The following PPARGC1A variants were observed in gnomAD, a reference collection of about 807,000 sequenced individuals.
PPARGC1A encodes PPARG coactivator 1 alpha.
A neutral mutation model predicts 88.7 loss-of-function variants in PPARGC1A; 25 were observed. The ratio of observed to expected loss-of-function variants is 0.28; its 90% CI spans 0.21 to 0.39. The LOEUF (loss-of-function observed/expected upper bound fraction) is 0.39, where lower values mean the gene tolerates loss of function less well. PPARGC1A is among the 10% of genes least tolerant of loss of function. The pLI is 1.00. For missense variants in PPARGC1A, 880 were observed against 968.7 expected, an observed-to-expected ratio of 0.91 and a Z score of 1.22; for synonymous variants, 363 against 355.6, an observed-to-expected ratio of 1.02 and a Z score of -0.24.
chr4:23,916,517 A>T, the PPARGC1A span, among the ~76,000 whole-genome samples: 1 of 152,124 alleles, frequency 6.6e-6, no homozygotes, highest in South Asian at 2.1e-4. Flanking sequence ...TGAAAACATA[A>T]TTTTTAAAGA....
chr4:23,980,043 G>A, the PPARGC1A span, among the ~76,000 whole-genome samples: 33 of 152,060 alleles, frequency 2.2e-4, 1 homozygote, highest in Admixed American at 2.0e-3. Context: ...CTCCTCAGAA[G>A]ACCCTGGCCC....
chr4:23,827,586 A>C (rs1724190816), intron 5 of PPARGC1A, among the ~76,000 whole-genome samples: 1 of 152,148 alleles, frequency 6.6e-6, no homozygotes, highest in African/African-American at 2.4e-5. Context: ...GGAGGAGCCT[A>C]AAAGATAGAA....
At chr4:24,427,231 T>G in the PPARGC1A span, among the ~76,000 whole-genome samples, 1 of 152,190 alleles carries the variant, frequency 6.6e-6, no homozygotes, top group Non-Finnish European at 1.5e-5. Context: ...TTTTGCATAC[T>G]TAAAATATTT....
At chr4:24,326,327 CCT>C in the PPARGC1A span, among the ~76,000 whole-genome samples, 1 of 152,020 alleles carries the variant, frequency 6.6e-6, no homozygotes, top group Non-Finnish European at 1.5e-5. Flanking sequence ...ACCAGACAAG[CCT>C]TACAAGTTAG....
chr4:24,129,450 T>C, the PPARGC1A span, among the ~76,000 whole-genome samples: 2 of 152,180 alleles, frequency 1.3e-5, no homozygotes, highest in African/African-American at 4.8e-5. Context: ...TGGTCAATTA[T>C]AAGCTTTGAT....
chr4:24,276,816 GAA>G, the PPARGC1A span, among the ~76,000 whole-genome samples: 1 of 152,170 alleles, frequency 6.6e-6, no homozygotes, highest in African/African-American at 2.4e-5. Context: ...AAAAGGGCAA[GAA>G]AAAGACTCAT....
At chr4:23,811,648 G>T (rs1720912539) in intron 10 of PPARGC1A, among the ~76,000 whole-genome samples, 1 of 152,116 alleles carries the variant, frequency 6.6e-6, no homozygotes, top group African/African-American at 2.4e-5. Context: ...GGGAGTTGGG[G>T]TAAAGCCTAC....
chr4:24,224,778 G>C, the PPARGC1A span, among the ~76,000 whole-genome samples: 1 of 152,330 alleles, frequency 6.6e-6, no homozygotes, highest in East Asian at 1.9e-4. Flanking sequence ...AGAAGTGCAA[G>C]AGTTCAGGGA....
At chr4:24,460,828 C>T in the PPARGC1A span, among the ~76,000 whole-genome samples, 1 of 152,290 alleles carries the variant, frequency 6.6e-6, no homozygotes, top group South Asian at 2.1e-4. Flanking sequence ...TTTTAATCCA[C>T]AAAAAGTTTG....
At chr4:24,368,149 G>T in the PPARGC1A span, among the ~76,000 whole-genome samples, 2,239 of 152,274 alleles carry the variant, frequency 0.015, 71 homozygotes, top group African/African-American at 0.051. Context: ...ATGTTAAGAG[G>T]TGAGACGTGA....
chr4:23,863,278 C>T (rs990726863), intron 2 of PPARGC1A, among the ~76,000 whole-genome samples: 2 of 152,146 alleles, frequency 1.3e-5, no homozygotes, highest in South Asian at 2.1e-4. Flanking sequence ...TCTAAGATAA[C>T]CTTTCTTCGC....
At chr4:24,437,622 TTG>T in the PPARGC1A span, among the ~76,000 whole-genome samples, 1 of 151,590 alleles carries the variant, frequency 6.6e-6, no homozygotes, top group Non-Finnish European at 1.5e-5. Context: ...GTTGTTGTTG[TTG>T]TTGTTGTTGT....
At chr4:24,331,047 T>C in the PPARGC1A span, among the ~76,000 whole-genome samples, 1 of 152,160 alleles carries the variant, frequency 6.6e-6, no homozygotes, top group African/African-American at 2.4e-5. Flanking sequence ...TACCATTCAT[T>C]GTTCTAGTAA....
At chr4:23,863,682 G>T (rs1487607579) in intron 2 of PPARGC1A, among the ~76,000 whole-genome samples, 2 of 152,086 alleles carry the variant, frequency 1.3e-5, no homozygotes, top group Admixed American at 1.3e-4. Flanking sequence ...GAAAGCCGAC[G>T]TCTAAAATGC....
the PPARGC1A span, among the ~76,000 whole-genome samples, chr4:24,376,278 T>C: frequency 2.0e-5 from 3 of 152,098 alleles, no homozygotes; most frequent in Non-Finnish European, 4.4e-5. Flanking sequence ...AACAATCAGG[T>C]ATTTACCGCA....
the PPARGC1A span, among the ~76,000 whole-genome samples, chr4:24,064,749 T>G: frequency 2.6e-5 from 4 of 152,158 alleles, no homozygotes; most frequent in Non-Finnish European, 5.9e-5. Context: ...TTATCCTTTC[T>G]GGGGTTTTTT....
intron 1 of PPARGC1A, among the ~76,000 whole-genome samples, chr4:23,885,758 T>G (rs1273591048): frequency 1.3e-5 from 2 of 152,216 alleles, no homozygotes; most frequent in East Asian, 3.9e-4. Context: ...ATTTTGTTCA[T>G]TATTTATGTA....
the PPARGC1A span, among the ~76,000 whole-genome samples, chr4:24,213,016 G>A: frequency 6.6e-6 from 1 of 152,062 alleles, no homozygotes; most frequent in Non-Finnish European, 1.5e-5. Context: ...CCTTGTTGGT[G>A]GACACCTGCC....
chr4:24,160,155 A>C, the PPARGC1A span, among the ~76,000 whole-genome samples: 1 of 152,204 alleles, frequency 6.6e-6, no homozygotes, highest in African/African-American at 2.4e-5. Context: ...TTAGACCTCT[A>C]ATCTCTCAGT....
Sources: gnomAD v4.1 joint callset for allele counts (sites outside exome capture counted in the v4.1 genomes callset) on GRCh38, gnomAD v4.1.1 for gene constraint, MANE v1.5 for transcripts, NCBI Gene and HGNC (gene_info 2026-07-23, HGNC 2026-07-21) for gene names.